The following CMSS1 variants were observed in gnomAD, a reference collection of about 807,000 sequenced individuals.
CMSS1 encodes cms1 ribosomal small subunit homolog.
Under a neutral mutation model 43.5 loss-of-function variants are expected in CMSS1, and 33 were observed. The observed-to-expected ratio is 0.76, with a 90% CI of 0.57 to 1.01. The LOEUF is 1.01. Ranked by LOEUF, CMSS1 falls within the 50% of genes least tolerant of loss-of-function variation. CMSS1 has a pLI of 0.00. For missense variants in CMSS1, 313 were observed against 326.4 expected (o/e 0.96, Z 0.32); for synonymous variants, 115 against 117.2 (o/e 0.98, Z 0.12).
At chr3:100,085,656 A>G (rs2065997301) in intron 1 of CMSS1, among the ~76,000 whole-genome samples, 1 of 152,192 alleles carries the variant, frequency 6.6e-6, no homozygotes, top group African/African-American at 2.4e-5. Context: ...TGAGGGAATG[A>G]AGTGCCTTTC....
At chr3:100,072,209 A>G (rs146595172) in intron 1 of CMSS1, among the ~76,000 whole-genome samples, 1 of 152,252 alleles carries the variant, frequency 6.6e-6, no homozygotes, top group East Asian at 1.9e-4. Flanking sequence ...CTCATGTGCC[A>G]AAGTCTTTCA....
At chr3:99,911,674 T>C (rs1706793097) in intron 1 of CMSS1, among the ~76,000 whole-genome samples, 2 of 152,178 alleles carry the variant, frequency 1.3e-5, no homozygotes. Context: ...CTGGGAAACC[T>C]TCACATTCGC....
At chr3:100,050,516 A>C (rs752744161) in intron 1 of CMSS1, among the ~76,000 whole-genome samples, 19 of 151,940 alleles carry the variant, frequency 1.3e-4, no homozygotes, top group Non-Finnish European at 1.5e-4. Context: ...AAATTCCCAC[A>C]ATTTGTTTGT....
At chr3:100,051,071 T>C (rs542440019) in intron 1 of CMSS1, among the ~76,000 whole-genome samples, 1 of 152,326 alleles carries the variant, frequency 6.6e-6, no homozygotes, top group Non-Finnish European at 1.5e-5. Context: ...TTTATTAGTA[T>C]AAATTTATTT....
At chr3:99,964,699 T>C (rs1708595067) in intron 1 of CMSS1, among the ~76,000 whole-genome samples, 2 of 152,080 alleles carry the variant, frequency 1.3e-5, no homozygotes, top group African/African-American at 4.8e-5. Context: ...TGGGAATATT[T>C]GTCTAGAACA....
At chr3:100,077,661 A>G (rs1321564181) in intron 1 of CMSS1, among the ~76,000 whole-genome samples, 3 of 152,192 alleles carry the variant, frequency 2.0e-5, no homozygotes, top group Non-Finnish European at 4.4e-5. Context: ...AGTGGCTCAC[A>G]CCTATAATCA....
intron 1 of CMSS1, among the ~76,000 whole-genome samples, chr3:100,103,030 G>A (rs887417323): frequency 5.3e-5 from 8 of 152,188 alleles, no homozygotes; most frequent in Non-Finnish European, 1.2e-4. Flanking sequence ...TGAGGTTGAG[G>A]CTTGGGAGAC....
chr3:100,069,930 G>C (rs756778694), intron 1 of CMSS1, among the ~76,000 whole-genome samples: 8 of 152,186 alleles, frequency 5.3e-5, no homozygotes, highest in Non-Finnish European at 1.0e-4. Context: ...AATCTGGTTT[G>C]ATAGGGTAAT....
intron 1 of CMSS1, among the ~76,000 whole-genome samples, chr3:99,903,154 G>A (rs1319256300): frequency 6.6e-6 from 1 of 152,124 alleles, no homozygotes; most frequent in Non-Finnish European, 1.5e-5. Context: ...TCATAGGGTT[G>A]TTATGAGGAT....
chr3:99,933,116 C>T (rs902429712), intron 1 of CMSS1, among the ~76,000 whole-genome samples: 1 of 152,172 alleles, frequency 6.6e-6, no homozygotes, highest in African/African-American at 2.4e-5. Flanking sequence ...AGTGGCAAAA[C>T]TGGGATTTGA....
intron 1 of CMSS1, among the ~76,000 whole-genome samples, chr3:99,972,886 T>C (rs1329087092): frequency 6.6e-6 from 1 of 152,230 alleles, no homozygotes; most frequent in Non-Finnish European, 1.5e-5. Context: ...ATGTAAATAA[T>C]GAACTCCTTT....
At chr3:100,177,117 A>G (rs2067154028) in intron 9 of CMSS1, among the ~76,000 whole-genome samples, 2 of 152,262 alleles carry the variant, frequency 1.3e-5, no homozygotes, top group Admixed American at 6.5e-5. Flanking sequence ...AAATCATGGC[A>G]GTAACTATCA....
chr3:100,030,485 G>A (rs1387165365), intron 1 of CMSS1, among the ~76,000 whole-genome samples: 6 of 152,042 alleles, frequency 3.9e-5, no homozygotes, highest in Admixed American at 1.3e-4. Context: ...AGGCATTATT[G>A]CTCATTCTCA....
At chr3:100,117,878 T>TATATATATATATAC (rs1357671856) in intron 1 of CMSS1, among the ~76,000 whole-genome samples, 9 of 129,084 alleles carry the variant, frequency 7.0e-5, no homozygotes, top group African/African-American at 1.6e-4. Flanking sequence ...TATATATATA[T>TATATATATATATAC]ACACATACAA....
At chr3:99,935,777 T>C (rs532496277) in intron 1 of CMSS1, among the ~76,000 whole-genome samples, 1 of 152,372 alleles carries the variant, frequency 6.6e-6, no homozygotes, top group African/African-American at 2.4e-5. Flanking sequence ...TAGATCCTGC[T>C]TTGTTTTCCT....
At chr3:99,907,967 C>T (rs1706675564) in intron 1 of CMSS1, among the ~76,000 whole-genome samples, 1 of 152,196 alleles carries the variant, frequency 6.6e-6, no homozygotes, top group Non-Finnish European at 1.5e-5. Flanking sequence ...AATAAATGAA[C>T]TAGATGATAA....
chr3:99,897,746 T>C (rs1706305191), intron 1 of CMSS1, among the ~76,000 whole-genome samples: 1 of 152,246 alleles, frequency 6.6e-6, no homozygotes, highest in Admixed American at 6.5e-5. Context: ...TCTCATATTT[T>C]ACCTTGACCA....
intron 2 of CMSS1, chr3:100,159,848 C>G (rs1208322018): frequency 6.6e-6 from 3 of 456,130 alleles, no homozygotes; most frequent in African/African-American, 6.0e-5. Flanking sequence ...GGTTATCAGA[C>G]TAGTAGCAAA....
At chr3:99,833,379 G>T in intron 1 of CMSS1, 1 of 758,408 alleles carries the variant, frequency 1.3e-6, no homozygotes, top group Non-Finnish European at 2.2e-6. Flanking sequence ...AGACTCCCTG[G>T]TTACAGTGAG....
Sources: gnomAD v4.1 joint callset for allele counts (sites outside exome capture counted in the v4.1 genomes callset) on GRCh38, gnomAD v4.1.1 for gene constraint, MANE v1.5 for transcripts, NCBI Gene and HGNC (gene_info 2026-07-23, HGNC 2026-07-21) for gene names.